Variants in CABIN1 observed in about 807,000 individuals in gnomAD.
CABIN1 encodes calcineurin-binding protein cabin-1.
Under a neutral mutation model 227.7 loss-of-function variants are expected in CABIN1, and 133 were observed. The ratio of observed to expected loss-of-function variants is 0.58; its 90% CI spans 0.51 to 0.67. The LOEUF (loss-of-function observed/expected upper bound fraction) is 0.67. Among genes scored for constraint, CABIN1 ranks in the 30% least tolerant of loss-of-function variants. The pLI is 0.00. For missense variants in CABIN1, 2,408 were observed against 2,852.5 expected (o/e 0.84, Z 3.55); for synonymous variants, 1,086 against 1,155.1 (o/e 0.94, Z 1.21).
intron 26 of CABIN1, among the ~76,000 whole-genome samples, chr22:24,103,865 A>G (rs1198279333): frequency 6.6e-6 from 1 of 152,102 alleles, no homozygotes; most frequent in Admixed American, 6.5e-5. Flanking sequence ...CTGATGTCCC[A>G]TGGTATCATG....
At chr22:24,036,259 C>T in intron 3 of CABIN1, 78 bp downstream of exon 3, 1 of 1,038,092 alleles carries the variant, frequency 9.6e-7, no homozygotes, top group Non-Finnish European at 1.5e-6. Context: ...TACATTTAGG[C>T]ATCTCCTCAG....
At chr22:24,114,043 T>A (rs548113375) in intron 27 of CABIN1, among the ~76,000 whole-genome samples, 2 of 151,168 alleles carry the variant, frequency 1.3e-5, no homozygotes, top group East Asian at 4.0e-4. Context: ...GTCTGTGATA[T>A]CAGTGTGCTC....
At chr22:24,091,495 T>C (rs573135135) in intron 23 of CABIN1, 88 bp from the exon 24 acceptor site, 47 of 1,543,266 alleles carry the variant, frequency 3.0e-5, no homozygotes, top group Non-Finnish European at 4.1e-5. Flanking sequence ...AACTTGCAAA[T>C]AGGTCGGCAG....
At position 24,177,772 on chromosome 22, in the gene CABIN1, C is replaced by G; in HGVS notation, c.6474C>G (p.Leu2158=). ...ITVTPPTPTL[L]SPKGSISEET... ...TCACGCCACCCACCCCAACCCTGCTCTCCCCCAAAGGCAGCATCTCGGAGG... is the reference window on the plus strand; with the variant it reads ...TCACGCCACCCACCCCAACCCTGCTGTCCCCCAAAGGCAGCATCTCGGAGG... Residue 2158 remains leucine, a synonymous_variant, in exon 36 of 37, where the codon CTC becomes CTG. Transcript: ENST00000263119. The surrounding 1 kb of genome is among the most constrained non-coding windows in gnomAD (Gnocchi z 4.4). The G allele has an allele frequency of 6.2e-7, 1 of 1,610,182 alleles. No individual in the cohort carries two copies. The highest frequency in any genetic ancestry group is 1.7e-4 in the Middle Eastern group (1 of 6,038).
At chr22:24,038,543 GC>G (rs2037111139) in intron 4 of CABIN1, 82 bp downstream of exon 4, 2 of 946,858 alleles carry the variant, frequency 2.1e-6, no homozygotes, top group South Asian at 2.6e-5. Context: ...CCTTACCTCT[GC>G]TCTCCCATTT....
chr22:24,137,427 G>A (rs1383805248), intron 29 of CABIN1, among the ~76,000 whole-genome samples: 1 of 152,214 alleles, frequency 6.6e-6, no homozygotes, highest in Non-Finnish European at 1.5e-5. Context: ...GCAGTCTGAG[G>A]TTGTGTGCCT....
At chr22:24,078,621 C>T (rs2040595296) in intron 19 of CABIN1, among the ~76,000 whole-genome samples, 1 of 152,118 alleles carries the variant, frequency 6.6e-6, no homozygotes, top group Admixed American at 6.5e-5. Context: ...TTGATGGATT[C>T]TTATCTGTTC....
chr22:24,028,666 G>C (rs4822469), intron 1 of CABIN1, among the ~76,000 whole-genome samples: 37,862 of 151,870 alleles, frequency 0.25, 5,339 homozygotes, highest in East Asian at 0.39. Context: ...GCTTCCTTAT[G>C]TCTAATATGA....
intron 1 of CABIN1, among the ~76,000 whole-genome samples, chr22:24,022,955 C>A (rs1332144780): frequency 2.0e-5 from 3 of 152,072 alleles, no homozygotes; most frequent in Non-Finnish European, 2.9e-5. Context: ...CCATTGTAAC[C>A]ATTTTAAGTG....
chr22:24,167,407 C>A, intron 32 of CABIN1, 94 bp downstream of exon 32: 2 of 1,275,374 alleles, frequency 1.6e-6, no homozygotes, highest in South Asian at 2.7e-5. Context: ...CAGGCCTGCC[C>A]TTGGGGCGGG....
intron 28 of CABIN1, among the ~76,000 whole-genome samples, chr22:24,126,281 A>C (rs2043717528): frequency 6.6e-6 from 1 of 152,196 alleles, no homozygotes; most frequent in East Asian, 1.9e-4. Context: ...AGTAGGAAGA[A>C]AAACAAAGCT....
chr22:24,083,450 G>C, intron 20 of CABIN1, 61 bp downstream of exon 20: 1 of 1,585,218 alleles, frequency 6.3e-7, no homozygotes, highest in Admixed American at 1.7e-5. Context: ...TCTTTTGAAG[G>C]ATGTCATATT....
Position 24,070,830 on chromosome 22 carries a change from C to T in CABIN1, c.2263C>T (p.Gln755Ter). 1.2e-6 allele frequency: 2 copies of T among 1,614,248 alleles called. No individual in the cohort carries two copies. The highest frequency in any genetic ancestry group is 1.1e-5 in the South Asian group (1 of 91,084). The part of the protein sequence containing the change: ...DSLLRLKDYR[Q>*]CFECSDVALN... ...CTTGCTCCGGCTGAAGGACTATCGGCAGTGTTTTGAGTGTTCCGATGTGGC... is the reference window on the plus strand; with the variant it reads ...CTTGCTCCGGCTGAAGGACTATCGGTAGTGTTTTGAGTGTTCCGATGTGGC... The change falls in exon 17 of 37, where the codon CAG becomes TAG. Residue 755 changes from glutamine to a stop codon, truncating the protein, a stop_gained. Coordinates refer to ENST00000263119, the MANE Select transcript of CABIN1 (RefSeq NM_012295.4). LOFTEE classifies it high-confidence loss of function.
chr22:24,177,379 T>C lies in CABIN1; in HGVS notation c.6206-125T>C. On this transcript the variant is annotated intron_variant, in intron 35 of 36. Coordinates refer to ENST00000263119, the MANE Select transcript of CABIN1 (RefSeq NM_012295.4). The surrounding 1 kb of genome is among the most constrained non-coding windows in gnomAD (Gnocchi z 4.4). ...TGCCCAGGGTAGAAGCCTTGGAGCC[T>C]GCCAGCCAGCACAAACTACACAGCA... The C allele has an allele frequency of 1.1e-6, 1 of 872,298 alleles. No homozygotes were observed. Among genetic ancestry groups the C allele is most frequent in the Non-Finnish European group, 1.7e-6 (1 of 574,318 alleles). 54.0% of individuals were successfully genotyped at this position (872,298 alleles called of 1,614,324 possible). A position where few individuals can be genotyped will look rare whatever the true frequency, so the allele number is the denominator to read the frequency against.
chr22:24,125,874 G>T (rs910303963), intron 28 of CABIN1, among the ~76,000 whole-genome samples: 1 of 152,220 alleles, frequency 6.6e-6, no homozygotes, highest in Non-Finnish European at 1.5e-5. Flanking sequence ...TCTGCCTCAT[G>T]GTTTGAAGAT....
chr22:24,024,228 G>A (rs1018576999), intron 1 of CABIN1, among the ~76,000 whole-genome samples: 1 of 151,808 alleles, frequency 6.6e-6, no homozygotes, highest in African/African-American at 2.4e-5. Context: ...AAGTTTTAGG[G>A]TACATGTGCA....
intron 1 of CABIN1, among the ~76,000 whole-genome samples, chr22:24,020,738 G>A (rs966665638): frequency 6.6e-6 from 1 of 152,124 alleles, no homozygotes; most frequent in Non-Finnish European, 1.5e-5. Flanking sequence ...GGTGATGGTC[G>A]TGTTAGTAAA....
At chr22:24,175,778 C>A in intron 34 of CABIN1, 1 of 452,720 alleles carries the variant, frequency 2.2e-6, no homozygotes, top group Non-Finnish European at 4.1e-6. Context: ...ACACTGCCCC[C>A]CCATCCCCTC....
At chr22:24,024,527 A>G (rs576421713) in intron 1 of CABIN1, among the ~76,000 whole-genome samples, 25 of 152,290 alleles carry the variant, frequency 1.6e-4, no homozygotes, top group East Asian at 1.2e-3. Context: ...CTTAGAGTTC[A>G]TTGAACTTCT....
Sources: gnomAD v4.1 joint callset for allele counts (sites outside exome capture counted in the v4.1 genomes callset) on GRCh38, gnomAD v4.1.1 for gene constraint, Gnocchi (gnomAD v3.1) non-coding constraint, MANE v1.5 for transcripts, NCBI Gene and HGNC (gene_info 2026-07-23, HGNC 2026-07-21) for gene names.